The following AGFG1 variants were observed in gnomAD, a reference collection of about 807,000 sequenced individuals.
AGFG1 encodes arf-GAP domain and FG repeat-containing protein 1.
A neutral mutation model predicts 60.6 loss-of-function variants in AGFG1; 10 were observed. The observed-to-expected ratio is 0.16, with a 90% confidence interval of 0.10 to 0.28. The LOEUF is 0.28. AGFG1 is among the 10% of genes least tolerant of loss of function. AGFG1 has a pLI of 1.00. For missense variants in AGFG1, 537 were observed against 676.5 expected (o/e 0.79, Z 2.29); for synonymous variants, 247 against 242.9 (o/e 1.02, Z -0.16).
intron 11 of AGFG1, 93 bp downstream of exon 11, chr2:227,552,210 G>A: frequency 2.1e-6 from 3 of 1,423,064 alleles, no homozygotes; most frequent in Non-Finnish European, 2.9e-6. Context: ...CTTTTCTAAA[G>A]AATACTATAG....
At chr2:227,540,999 G>A (rs1379307511) in intron 10 of AGFG1, among the ~76,000 whole-genome samples, 1 of 152,202 alleles carries the variant, frequency 6.6e-6, no homozygotes, top group Non-Finnish European at 1.5e-5. Flanking sequence ...GTTGTCTTTT[G>A]AGAAGTGTCT....
At chr2:227,474,646 G>A (rs969177099) in intron 1 of AGFG1, among the ~76,000 whole-genome samples, 1 of 152,180 alleles carries the variant, frequency 6.6e-6, no homozygotes, top group Non-Finnish European at 1.5e-5. Context: ...TGTAAACGTA[G>A]AGTTACAATA....
chr2:227,526,069 A>G (rs930510046), intron 5 of AGFG1, among the ~76,000 whole-genome samples: 2 of 152,166 alleles, frequency 1.3e-5, no homozygotes, highest in African/African-American at 4.8e-5. Context: ...CTTTAGTATC[A>G]TTATGACTTC....
chr2:227,509,619 A>G lies in AGFG1; in HGVS notation c.262-10329A>G, dbSNP rs117702839. 5.1e-4 allele frequency among the ~76,000 whole-genome samples: 78 copies of G among 151,906 alleles called. 1 individual carries two copies. In the East Asian group the frequency reaches 0.015, roughly 28 times the overall value. On this transcript the variant is annotated intron_variant, in intron 2 of 12. Coordinates refer to ENST00000310078, the MANE Select transcript of AGFG1 (RefSeq NM_004504.5). Reference sequence around the variant, plus strand: ...TTCATTAAAAAAATTATTTTTCTCAAGAGAATGATAAAGCAAATGTTACCG... The same window carrying G: ...TTCATTAAAAAAATTATTTTTCTCAGGAGAATGATAAAGCAAATGTTACCG...
chr2:227,544,084 G>A (rs1385562780), intron 10 of AGFG1, among the ~76,000 whole-genome samples: 1 of 151,088 alleles, frequency 6.6e-6, no homozygotes, highest in Non-Finnish European at 1.5e-5. Flanking sequence ...CACGTGAGAT[G>A]GGTTTCCTGA....
At chr2:227,508,663 C>G (rs779624171) in intron 2 of AGFG1, 21 of 464,930 alleles carry the variant, frequency 4.5e-5, no homozygotes, top group Non-Finnish European at 8.0e-5. Flanking sequence ...AAGTTTAGAA[C>G]AATTGGAATG....
intron 10 of AGFG1, among the ~76,000 whole-genome samples, chr2:227,546,447 G>C (rs1303045230): frequency 2.0e-5 from 3 of 152,224 alleles, no homozygotes; most frequent in African/African-American, 7.2e-5. Context: ...TCCCGGGTGA[G>C]GTGATGCCCC....
At chr2:227,485,243 CTTTTTTT>C (rs71036201) in intron 1 of AGFG1, among the ~76,000 whole-genome samples, 1 of 110,570 alleles carries the variant, frequency 9.0e-6, no homozygotes, top group Non-Finnish European at 1.8e-5. Context: ...CGAATCGTTT[CTTTTTTT>C]TTTTTTTTTT....
At chr2:227,533,323 A>G (rs1692216489) in intron 6 of AGFG1, among the ~76,000 whole-genome samples, 1 of 152,196 alleles carries the variant, frequency 6.6e-6, no homozygotes, top group Non-Finnish European at 1.5e-5. Flanking sequence ...CAGGGTAGGT[A>G]ATACACAGAA....
intron 10 of AGFG1, 110 bp downstream of exon 10, chr2:227,537,103 G>A (rs1692337033): frequency 1.2e-5 from 10 of 846,484 alleles, no homozygotes; most frequent in Non-Finnish European, 1.7e-5. Context: ...GAAGTGAATG[G>A]CAATGGATAG....
At chr2:227,507,910 C>T (rs1553542895) in intron 2 of AGFG1, among the ~76,000 whole-genome samples, 3 of 151,434 alleles carry the variant, frequency 2.0e-5, no homozygotes, top group Non-Finnish European at 1.5e-5. Flanking sequence ...CAAATTTTCC[C>T]CTCTTTGTTC....
chr2:227,550,018 A>G (rs557624875), intron 10 of AGFG1: 6 of 437,142 alleles, frequency 1.4e-5, no homozygotes, highest in East Asian at 7.8e-5. Flanking sequence ...ATAGTTATCT[A>G]TAAATTAATT....
At position 227,559,604 on chromosome 2, in the gene AGFG1, T is replaced by C. The variant is rs187019404; in HGVS notation, c.*5109T>C. 6.6e-6 allele frequency: 1 copy of C among 152,300 alleles called. No homozygotes were observed. Among genetic ancestry groups the C allele is most frequent in the East Asian group, 1.9e-4 (1 of 5,190 alleles). 9.4% of individuals were successfully genotyped at this position (152,300 alleles called of 1,614,324 possible). On this transcript the variant is annotated 3_prime_UTR_variant, in exon 13 of 13. Transcript: ENST00000310078. ...AAAAGATAAGTGATCCTAGATAAAA[T>C]ATTTTAGATGGTGATTAAAATGCCC...
At chr2:227,520,179 T>A (rs1470616560) in intron 3 of AGFG1, 116 bp downstream of exon 3, 4 of 585,542 alleles carry the variant, frequency 6.8e-6, no homozygotes, top group Non-Finnish European at 1.2e-5. Context: ...TAGATAGGTA[T>A]ATAATTCATT....
chr2:227,485,481 C>T (rs1410039698), intron 1 of AGFG1, among the ~76,000 whole-genome samples: 2 of 151,270 alleles, frequency 1.3e-5, no homozygotes, highest in South Asian at 2.1e-4. Flanking sequence ...GGTGATCCAC[C>T]TGCCTCAGCC....
rs116485188 is a variant in AGFG1, at chr2:227,539,788, A to G, written c.1378+2795A>G. 2.0e-3 allele frequency among the ~76,000 whole-genome samples: 303 copies of G among 150,314 alleles called. 2 individuals are homozygous for G. Among genetic ancestry groups the G allele is most frequent in the African/African-American group, 7.2e-3 (294 of 41,088 alleles). ...AAAAAAGGAGGTACCCTTATTGCAT[A>G]ATAGTTCTATGTGAAATTCGGAAAG... On this transcript the variant is annotated intron_variant, in intron 10 of 12. Coordinates refer to ENST00000310078, the MANE Select transcript of AGFG1 (RefSeq NM_004504.5).
chr2:227,503,598 C>T, intron 2 of AGFG1, among the ~76,000 whole-genome samples: 1 of 152,120 alleles, frequency 6.6e-6, no homozygotes, highest in East Asian at 1.9e-4. Flanking sequence ...CTTTGGGCAC[C>T]AAGTGGTGGA....
intron 2 of AGFG1, among the ~76,000 whole-genome samples, chr2:227,518,390 C>G (rs1231261832): frequency 6.6e-6 from 1 of 152,144 alleles, no homozygotes; most frequent in Non-Finnish European, 1.5e-5. Context: ...TTCCAAAGTG[C>G]TTACACCATT....
In AGFG1 at chr2:227,473,648, C is replaced by T. The variant is rs75572463; in HGVS notation, c.167+1060C>T. Among the ~76,000 whole-genome samples, 1,417 of 152,234 alleles carry T rather than the reference C, an allele frequency of 9.3e-3. 33 individuals are homozygous for T. Among genetic ancestry groups the T allele is most frequent in the African/African-American group, 0.033 (1,362 of 41,528 alleles). ...TGATAAAATGCTTTTATATTATTAT[C>T]TTGTATTTAAAGTTACTAACAACGT... On this transcript the variant is annotated intron_variant, in intron 1 of 12. Transcript: ENST00000310078.
Sources: gnomAD v4.1 joint callset for allele counts (sites outside exome capture counted in the v4.1 genomes callset) on GRCh38, gnomAD v4.1.1 for gene constraint, MANE v1.5 for transcripts, NCBI Gene and HGNC (gene_info 2026-07-23, HGNC 2026-07-21) for gene names.